The following FBXL7 variants were observed in gnomAD, a reference collection of about 807,000 sequenced individuals.
The protein encoded by FBXL7 is F-box/LRR-repeat protein 7.
In FBXL7, 12 loss-of-function variants were observed where a neutral mutation model predicts 38.3. That is an observed-to-expected ratio of 0.31 (90% CI 0.20 to 0.51). FBXL7 has a LOEUF of 0.51. FBXL7 is among the 20% of genes least tolerant of loss of function. The probability of loss-of-function intolerance (pLI) is 0.98; values close to 1 mark genes in which losing one functional copy is unlikely to be tolerated. For synonymous variants in FBXL7, 297 were observed against 300.9 expected (o/e 0.99, Z 0.13); for missense variants, 567 against 676.4 (o/e 0.84, Z 1.79).
intron 1 of FBXL7, among the ~76,000 whole-genome samples, chr5:15,598,138 G>A (rs1479810638): frequency 6.6e-6 from 1 of 152,112 alleles, no homozygotes; most frequent in African/African-American, 2.4e-5. Context: ...GATTATAGGT[G>A]GAAGCTGAAT....
At chr5:15,927,805 A>AT in intron 2 of FBXL7, 85 bp from the exon 3 acceptor site, 1 of 1,067,130 alleles carries the variant, frequency 9.4e-7, no homozygotes, top group Non-Finnish European at 1.3e-6. Context: ...AAAGAAAAGA[A>AT]AAGAAAGAAA....
At chr5:15,702,253 A>G (rs1015135833) in intron 2 of FBXL7, among the ~76,000 whole-genome samples, 1 of 144,592 alleles carries the variant, frequency 6.9e-6, no homozygotes, top group African/African-American at 2.6e-5. Flanking sequence ...AAAAAAAAAA[A>G]TTCACAGCTC....
chr5:15,663,665 T>C (rs77205912), intron 2 of FBXL7, among the ~76,000 whole-genome samples: 9,688 of 152,262 alleles, frequency 0.064, 826 homozygotes, highest in East Asian at 0.36. Context: ...CCTCCTGGGA[T>C]GAAGCCTACT....
At chr5:15,551,682 A>AT (rs1191469659) in intron 1 of FBXL7, among the ~76,000 whole-genome samples, 1 of 152,060 alleles carries the variant, frequency 6.6e-6, no homozygotes, top group South Asian at 2.1e-4. Context: ...ATATTAAGGA[A>AT]TTTTTTCCAA....
At position 15,728,975 on chromosome 5, in the gene FBXL7, T is replaced by C. The variant is rs112048920; in HGVS notation, c.127+112903T>C. Among the ~76,000 whole-genome samples, 265 of 152,292 alleles carry C rather than the reference T, an allele frequency of 1.7e-3. 1 individual carries two copies. The highest frequency in any genetic ancestry group is 6.3e-3 in the African/African-American group (260 of 41,586). On this transcript the variant is annotated intron_variant, in intron 2 of 3. Transcript: ENST00000504595. ...CGTAATCTGATTTAGTTCCATGTCATATAATTAAGAATTGGATGATGATTG... is the reference window on the plus strand; with the variant it reads ...CGTAATCTGATTTAGTTCCATGTCACATAATTAAGAATTGGATGATGATTG...
At chr5:15,578,604 C>T (rs2126463771) in intron 1 of FBXL7, among the ~76,000 whole-genome samples, 1 of 152,194 alleles carries the variant, frequency 6.6e-6, no homozygotes, top group Admixed American at 6.5e-5. Context: ...GTATTGGATC[C>T]CTCATGAGAT....
chr5:15,739,902 A>C (rs1315997577), intron 2 of FBXL7, among the ~76,000 whole-genome samples: 1 of 152,134 alleles, frequency 6.6e-6, no homozygotes, highest in Non-Finnish European at 1.5e-5. Flanking sequence ...TAGGAGTGGA[A>C]TATACCTAGG....
chr5:15,581,341 A>C (rs765015511), intron 1 of FBXL7, among the ~76,000 whole-genome samples: 1 of 152,056 alleles, frequency 6.6e-6, no homozygotes, highest in African/African-American at 2.4e-5. Context: ...CCACTGGCTG[A>C]TGCCCACCGC....
intron 2 of FBXL7, among the ~76,000 whole-genome samples, chr5:15,655,341 C>G (rs1741839359): frequency 6.6e-6 from 1 of 151,806 alleles, no homozygotes; most frequent in Admixed American, 6.6e-5. Context: ...ACTAAAAATA[C>G]AAAAATTAAT....
At chr5:15,522,277 C>T (rs550410261) in intron 1 of FBXL7, among the ~76,000 whole-genome samples, 63 of 152,290 alleles carry the variant, frequency 4.1e-4, no homozygotes, top group South Asian at 3.3e-3. Context: ...TTGTCCCACA[C>T]AACCCCTGCC....
intron 1 of FBXL7, among the ~76,000 whole-genome samples, chr5:15,594,584 T>A (rs1739569020): frequency 2.0e-5 from 3 of 152,176 alleles, no homozygotes; most frequent in Non-Finnish European, 4.4e-5. Context: ...ATAGTGGGCT[T>A]GTCCTTGGTA....
At chr5:15,636,823 A>G (rs1365092660) in intron 2 of FBXL7, among the ~76,000 whole-genome samples, 1 of 152,100 alleles carries the variant, frequency 6.6e-6, no homozygotes, top group Non-Finnish European at 1.5e-5. Context: ...TTATTTTTTC[A>G]GAAGTAACAG....
intron 2 of FBXL7, among the ~76,000 whole-genome samples, chr5:15,634,546 C>G (rs1454794463): frequency 6.6e-6 from 1 of 151,836 alleles, no homozygotes. Context: ...GTGTCGAACT[C>G]CTGACCTCAA....
intron 1 of FBXL7, among the ~76,000 whole-genome samples, chr5:15,542,379 T>C (rs1200498165): frequency 1.3e-5 from 2 of 152,232 alleles, no homozygotes; most frequent in African/African-American, 4.8e-5. Context: ...GATGAATGAA[T>C]GGAGGTACAG....
chr5:15,818,703 CGTGTGTGTGTGTGT>C (rs3222099), intron 2 of FBXL7, among the ~76,000 whole-genome samples: 16 of 116,842 alleles, frequency 1.4e-4, no homozygotes, highest in African/African-American at 3.4e-4. Context: ...CCCATTATTT[CGTGTGTGTGTGTGT>C]GTGTGTGTGT....
rs140640679 is a variant in FBXL7 at position 15,650,301 on chromosome 5, A to G, written c.127+34229A>G. On this transcript the variant is annotated intron_variant, in intron 2 of 3. Transcript: ENST00000504595. ...CACTATACTGTAGTCTATTCAGTAG[A>G]CAGCAGCATTATGTCTAAAAACAAT... Among the ~76,000 whole-genome samples the G allele has an allele frequency of 1.7e-3, 255 of 152,358 alleles. 1 individual carries two copies. The highest frequency in any genetic ancestry group is 1.7e-3 in the Non-Finnish European group (115 of 68,032).
intron 2 of FBXL7, among the ~76,000 whole-genome samples, chr5:15,775,215 G>A (rs1202720767): frequency 6.6e-6 from 1 of 152,136 alleles, no homozygotes; most frequent in Non-Finnish European, 1.5e-5. Flanking sequence ...AGTAATAAAA[G>A]GATCATTATT....
chr5:15,704,799 G>C, intron 2 of FBXL7, among the ~76,000 whole-genome samples: 1 of 152,020 alleles, frequency 6.6e-6, no homozygotes, highest in East Asian at 1.9e-4. Context: ...TAAGTTACTA[G>C]AGCCCTTGAA....
At chr5:15,922,243 G>T (rs1425903454) in intron 2 of FBXL7, among the ~76,000 whole-genome samples, 1 of 151,890 alleles carries the variant, frequency 6.6e-6, no homozygotes, top group Non-Finnish European at 1.5e-5. Context: ...TGGATCTAGA[G>T]GTCTTGGTGG....
Sources: allele counts gnomAD v4.1 joint callset (sites outside exome capture counted in the v4.1 genomes callset), GRCh38; gene constraint gnomAD v4.1.1; transcripts MANE v1.5; gene names NCBI Gene and HGNC (gene_info 2026-07-23, HGNC 2026-07-21).